The following PSG1 variants were observed in gnomAD, a reference collection of about 807,000 sequenced individuals.
PSG1 encodes pregnancy-specific beta-1-glycoprotein 1.
PSG1 carries 60 observed loss-of-function variants against 41.4 expected under a neutral mutation model. That is an observed-to-expected ratio of 1.45 (90% confidence interval 1.18 to 1.80). The LOEUF is 1.80. PSG1 is among the 40% of genes most tolerant of loss of function. The pLI, the probability that PSG1 is intolerant of heterozygous loss-of-function variation, is 0.00. For missense variants in PSG1, 806 were observed against 516.9 expected (o/e 1.56, Z -5.42); for synonymous variants, 256 against 192.9 (o/e 1.33, Z -2.71).
chr19:42,867,934 G>A (rs967067284), intron 5 of PSG1, 167 bp downstream of exon 5: 16 of 1,549,244 alleles, frequency 1.0e-5, no homozygotes, highest in Non-Finnish European at 1.4e-5. Context: ...GTTTGTTAAA[G>A]TTTTCGAAGT....
rs555627970 is a variant in PSG1, at chr19:42,878,519, A to C, written c.65-241T>G. ...CAGCAGCATGACGCCCATTCCTTCA[A>C]CACTTCTGACGTTGGCATTTTTCTG... On this transcript the variant is annotated intron_variant, in intron 1 of 5. Coordinates refer to ENST00000436291, the MANE Select transcript of PSG1 (RefSeq NM_001184825.2). 1.8e-4 allele frequency: 119 copies of C among 650,976 alleles called. 2 individuals carry two copies. The highest frequency in any genetic ancestry group is 4.2e-4 in the South Asian group (12 of 28,862). 40.3% of individuals were successfully genotyped at this position (650,976 alleles called of 1,614,324 possible).
At position 42,868,059 on chromosome 19, in the gene PSG1, C is replaced by T. The variant is rs372028848; in HGVS notation, c.1243+42G>A. 12 of 1,611,966 alleles carry T rather than the reference C, an allele frequency of 7.4e-6. 2 individuals are homozygous for T. The African/African-American group carries it at 1.6e-4, about 22-fold the overall frequency. ...CTCTTCTCTGAATGCCAGATAGACTCCACCTAAAACCCTATTGCCAACGAT... is the reference window on the plus strand; with the variant it reads ...CTCTTCTCTGAATGCCAGATAGACTTCACCTAAAACCCTATTGCCAACGAT... On this transcript the variant is annotated intron_variant, in intron 5 of 5. Coordinates refer to ENST00000436291, the MANE Select transcript of PSG1 (RefSeq NM_001184825.2).
Position 42,872,046 on chromosome 19 carries a change from CTG to C in PSG1, c.431-3_431-2del. The C allele has an allele frequency of 4.3e-6, 7 of 1,610,418 alleles. No homozygotes were observed. The highest frequency in any genetic ancestry group is 5.9e-6 in the Non-Finnish European group (7 of 1,178,200). On this transcript the variant is annotated splice_acceptor_variant and splice_polypyrimidine_tract_variant and intron_variant, in intron 2 of 5. Coordinates refer to ENST00000436291, the MANE Select transcript of PSG1 (RefSeq NM_001184825.2). LOFTEE classifies it high-confidence loss of function. ...GAGATGGAGGGCTTAGGAGTCTCCA[CTG>C]TGCAGAAAACAGGGTGAAGATTGCC...
Position 42,867,099 on chromosome 19 carries a change from A to G in PSG1, c.*35T>C, listed in dbSNP as rs2122479933. 1.3e-6 allele frequency: 1 copy of G among 772,752 alleles called. No homozygotes were observed. The highest frequency in any genetic ancestry group is 2.4e-5 in the East Asian group (1 of 41,152). The allele number at this position is 772,752 out of a possible 1,614,324, so 47.9% of individuals were successfully genotyped here. A position where few individuals can be genotyped will look rare whatever the true frequency, so the allele number is the denominator to read the frequency against. On this transcript the variant is annotated 3_prime_UTR_variant, in exon 6 of 6. Coordinates refer to ENST00000436291, the MANE Select transcript of PSG1 (RefSeq NM_001184825.2). ...AGTGGGTCTTGCTCTTAGTGATTCC[A>G]TGGGAGAAAATGGAATTGGAGGTAC...
At chr19:42,874,391 G>C (rs569201944) in intron 2 of PSG1, among the ~76,000 whole-genome samples, 2 of 151,186 alleles carry the variant, frequency 1.3e-5, no homozygotes, top group South Asian at 4.2e-4. Context: ...CTGTCACCCC[G>C]GCTGCAGTGC....
In PSG1 at chr19:42,877,902, G is replaced by C; in HGVS notation, c.430+11C>G. ...TCCCCCAACACCCAGGGATCATGTG[G>C]AATCACTTACGGTGTAAGGTGAAGG... On this transcript the variant is annotated intron_variant, in intron 2 of 5. Transcript: ENST00000436291. The C allele has an allele frequency of 6.2e-7, 1 of 1,611,976 alleles. No homozygotes were observed. Among genetic ancestry groups the C allele is most frequent in the African/African-American group, 1.3e-5 (1 of 74,782 alleles).
intron 5 of PSG1, chr19:42,867,700 T>C (rs772915988): frequency 2.5e-6 from 2 of 807,838 alleles, no homozygotes; most frequent in African/African-American, 1.7e-5. Context: ...AAAGTAAATG[T>C]TTCAATTACG....
At chr19:42,873,043 A>G (rs1971460009) in intron 2 of PSG1, among the ~76,000 whole-genome samples, 1 of 151,604 alleles carries the variant, frequency 6.6e-6, no homozygotes. Context: ...AGTGGATTCC[A>G]GAGTGAATCA....
chr19:42,878,755 C>T (rs1174329511), intron 1 of PSG1, among the ~76,000 whole-genome samples: 1 of 150,190 alleles, frequency 6.7e-6, no homozygotes, highest in African/African-American at 2.5e-5. Context: ...CTGTCTTCCC[C>T]CCCATGACAG....
Position 42,868,763 on chromosome 19 carries a change from A to T in PSG1, c.981T>A (p.Asn327Lys), listed in dbSNP as rs1307640382. The T allele has an allele frequency of 6.2e-7, 1 of 1,611,934 alleles. No homozygotes were observed. Among genetic ancestry groups the T allele is most frequent in the Admixed American group, 1.7e-5 (1 of 59,862 alleles). ...GGIRSDPVTLNVLYGPDLPRI... is the reference protein window; with the variant it reads ...GGIRSDPVTLKVLYGPDLPRI... ...GGAACAAAAGATACTCACAGAGGACATTCAGGGTGACTGGGTCACTGCGGA... is the reference window on the plus strand; with the variant it reads ...GGAACAAAAGATACTCACAGAGGACTTTCAGGGTGACTGGGTCACTGCGGA... The change falls in exon 4 of 6, where the codon AAT (asparagine) becomes AAA (lysine). Residue 327 changes from asparagine (N) to lysine (K), a missense_variant. Transcript: ENST00000436291.
Position 42,871,837 on chromosome 19 carries a change from T to C in PSG1, c.639A>G (p.Gly213=). The stretch of plus-strand genomic sequence containing the variant: ...GGTTCCGTATTTCACATTCATAGGG[T>C]CCTGCAGTATACTTTGTGACACCCA... ...FLLGVTKYTA[G]PYECEIRNPV... The change falls in exon 3 of 6, where the codon GGA becomes GGG. Residue 213 remains glycine, a synonymous_variant. Transcript: ENST00000436291. The C allele has an allele frequency of 6.2e-7, 1 of 1,612,440 alleles. No individual in the cohort carries two copies. The highest frequency in any genetic ancestry group is 8.5e-7 in the Non-Finnish European group (1 of 1,179,216).
chr19:42,876,504 T>C (rs189969561), intron 2 of PSG1, among the ~76,000 whole-genome samples: 4 of 151,536 alleles, frequency 2.6e-5, no homozygotes, highest in African/African-American at 9.7e-5. Flanking sequence ...AAAGAGGTTT[T>C]GGATCATTCA....
rs958796516 is a variant in PSG1 at position 42,873,897 on chromosome 19, A to T, written c.431-1852T>A. 2.0e-5 allele frequency among the ~76,000 whole-genome samples: 3 copies of T among 151,712 alleles called. 1 individual carries two copies. The highest frequency in any genetic ancestry group is 4.4e-5 in the Non-Finnish European group (3 of 67,950). On this transcript the variant is annotated intron_variant, in intron 2 of 5. Coordinates refer to ENST00000436291, the MANE Select transcript of PSG1 (RefSeq NM_001184825.2). ...GCTTTCTTCATTTTCTCTTAAGCTC[A>T]GGAAACACCACTAGAGTTTAAGTTT...
Position 42,868,177 on chromosome 19 carries a change from G to A in PSG1, c.1167C>T (p.Ser389=), listed in dbSNP as rs142917150. The A allele has an allele frequency of 2.1e-5, 34 of 1,612,334 alleles. 1 individual carries two copies. Among genetic ancestry groups the A allele is most frequent in the African/African-American group, 1.3e-4 (10 of 74,794 alleles). Residue 389 remains serine, a synonymous_variant, in exon 5 of 6, where the codon AGC becomes AGT. Transcript: ENST00000436291. ...LFIRHITTKH[S]GLYVCSVRNS... is the part of the protein sequence containing the mutation. Reference sequence around the variant, plus strand: ...TACGAACAGAGCAAACATAGAGCCCGCTATGCTTTGTAGTAATATGGCGGA... The same window carrying A: ...TACGAACAGAGCAAACATAGAGCCCACTATGCTTTGTAGTAATATGGCGGA...
Position 42,878,406 on chromosome 19 carries a change from A to AACACACACACATACAAACACAC in PSG1, c.65-129_65-128insGTGTGTTTGTATGTGTGTGTGT, listed in dbSNP as rs562332753. 1,167 of 1,192,274 alleles carry AACACACACACATACAAACACAC rather than the reference A, an allele frequency of 9.8e-4. 14 individuals are homozygous for AACACACACACATACAAACACAC. The African/African-American group carries it at 0.018, about 18-fold the overall frequency. 73.9% of individuals were successfully genotyped at this position (1,192,274 alleles called of 1,614,324 possible). Reference sequence around the variant, plus strand: ...CAACACAGACACACACACACATACAAACACACACACACACACACACACAAA... The same window carrying AACACACACACATACAAACACAC: ...CAACACAGACACACACACACATACAAACACACACACATACAAACACACACACACACACACACACACACACAAA... On this transcript the variant is annotated intron_variant, in intron 1 of 5. Coordinates refer to ENST00000436291, the MANE Select transcript of PSG1 (RefSeq NM_001184825.2).
Position 42,876,350 on chromosome 19 carries a change from T to C in PSG1, c.430+1563A>G, listed in dbSNP as rs186584484. Among the ~76,000 whole-genome samples, 1,283 of 151,290 alleles carry C rather than the reference T, an allele frequency of 8.5e-3. 39 individuals are homozygous for C. Among genetic ancestry groups the C allele is most frequent in the African/African-American group, 0.03 (1,230 of 41,192 alleles). ...GAGCCCTCGAGAACCCTCCGGTGGCTTAAGAGCTTCAGAATTACATGAGGT... is the reference window on the plus strand; with the variant it reads ...GAGCCCTCGAGAACCCTCCGGTGGCCTAAGAGCTTCAGAATTACATGAGGT... On this transcript the variant is annotated intron_variant, in intron 2 of 5. Coordinates refer to ENST00000436291, the MANE Select transcript of PSG1 (RefSeq NM_001184825.2).
At chr19:42,872,514 C>T (rs1971437063) in intron 2 of PSG1, among the ~76,000 whole-genome samples, 1 of 151,646 alleles carries the variant, frequency 6.6e-6, no homozygotes, top group Non-Finnish European at 1.5e-5. Flanking sequence ...GTCCTTAAAA[C>T]CTTTGGGTAC....
chr19:42,875,811 T>C lies in PSG1; in HGVS notation c.430+2102A>G, dbSNP rs376415665. ...AACCGCCATTTCAATTATTTTATTT[T>C]ATTTATTTATTTGTTTTTTTTTTTT... On this transcript the variant is annotated intron_variant, in intron 2 of 5. Transcript: ENST00000436291. 2.3e-4 allele frequency among the ~76,000 whole-genome samples: 32 copies of C among 141,232 alleles called. 2 individuals are homozygous for C. Among genetic ancestry groups the C allele is most frequent in the Admixed American group, 1.2e-3 (16 of 12,960 alleles). 92.7% of individuals were successfully genotyped at this position (141,232 alleles called of 152,430 possible). A position where few individuals can be genotyped will look rare whatever the true frequency, so the allele number is the denominator to read the frequency against.
intron 2 of PSG1, among the ~76,000 whole-genome samples, chr19:42,875,672 C>T (rs1024991105): frequency 6.6e-6 from 1 of 151,500 alleles, no homozygotes; most frequent in African/African-American, 2.4e-5. Flanking sequence ...GGCCCTGAAA[C>T]TATCCTTGAA....
Sources: allele counts gnomAD v4.1 joint callset (sites outside exome capture counted in the v4.1 genomes callset), GRCh38; gene constraint gnomAD v4.1.1; transcripts MANE v1.5; gene names NCBI Gene and HGNC (gene_info 2026-07-23, HGNC 2026-07-21).